The following PPP1R9A variants were observed in gnomAD, a reference collection of about 807,000 sequenced individuals.
PPP1R9A encodes the protein protein phosphatase 1 regulatory subunit 9A, also known as neurabin-1.
A neutral mutation model predicts 141.9 loss-of-function variants in PPP1R9A; 59 were observed. The observed-to-expected ratio is 0.42, with a 90% confidence interval of 0.34 to 0.52. The LOEUF is 0.52. Among genes scored for constraint, PPP1R9A ranks in the 20% least tolerant of loss-of-function variants. The pLI, the probability that PPP1R9A is intolerant of heterozygous loss-of-function variation, is 0.10. For missense variants in PPP1R9A, 1,444 were observed against 1,611.9 expected, an observed-to-expected ratio of 0.90 and a Z score of 1.78; for synonymous variants, 500 against 569.7, an observed-to-expected ratio of 0.88 and a Z score of 1.74.
chr7:94,999,087 T>C (rs961226567), intron 2 of PPP1R9A, among the ~76,000 whole-genome samples: 1 of 152,214 alleles, frequency 6.6e-6, no homozygotes, highest in African/African-American at 2.4e-5. Flanking sequence ...TCAATTGTTG[T>C]GTTTATGTCA....
chr7:95,275,429 G>A (rs1243058730), intron 16 of PPP1R9A, among the ~76,000 whole-genome samples: 2 of 151,670 alleles, frequency 1.3e-5, no homozygotes, highest in African/African-American at 2.4e-5. Flanking sequence ...AAAAGATTGG[G>A]AGAGTAGATA....
intron 2 of PPP1R9A, among the ~76,000 whole-genome samples, chr7:95,066,004 A>G (rs1317546926): frequency 6.6e-6 from 1 of 152,156 alleles, no homozygotes; most frequent in African/African-American, 2.4e-5. Context: ...CTTTATAGAA[A>G]TGTATTGTTA....
chr7:94,993,975 C>T (rs550707974), intron 2 of PPP1R9A, among the ~76,000 whole-genome samples: 1 of 152,216 alleles, frequency 6.6e-6, no homozygotes, highest in African/African-American at 2.4e-5. Flanking sequence ...ATATCTTTTC[C>T]TTGCCCATTA....
intron 17 of PPP1R9A, 85 bp from the exon 18 acceptor site, chr7:95,286,121 A>G (rs992243939): frequency 2.6e-6 from 4 of 1,541,100 alleles, no homozygotes; most frequent in African/African-American, 1.4e-5. Flanking sequence ...ATTGTTTAAA[A>G]GAGCCCTTTT....
At chr7:94,980,671 T>G (rs566712331) in intron 2 of PPP1R9A, among the ~76,000 whole-genome samples, 1 of 151,628 alleles carries the variant, frequency 6.6e-6, no homozygotes, top group East Asian at 1.9e-4. Context: ...TACTGAGTCA[T>G]AACTTGCTTT....
rs547004967 is a variant in PPP1R9A, at chr7:94,995,682, A to C, written c.1395+84174A>C. Among the ~76,000 whole-genome samples, 6 of 151,984 alleles carry C rather than the reference A, an allele frequency of 3.9e-5. No homozygotes were observed. The South Asian group carries it at 1.2e-3, about 32-fold the overall frequency. Reference sequence around the variant, plus strand: ...TTTAGTATCTCCCATACCTCTACTTAATTTTTGACTCTATGATACAGTTAT... The same window carrying C: ...TTTAGTATCTCCCATACCTCTACTTCATTTTTGACTCTATGATACAGTTAT... On this transcript the variant is annotated intron_variant, in intron 2 of 19. Coordinates refer to ENST00000433360, the MANE Select transcript of PPP1R9A (RefSeq NM_001166160.2).
At chr7:95,211,746 G>T (rs1792177375) in intron 7 of PPP1R9A, among the ~76,000 whole-genome samples, 1 of 152,154 alleles carries the variant, frequency 6.6e-6, no homozygotes, top group South Asian at 2.1e-4. Context: ...CAATACTTTG[G>T]GAGGTTGAGG....
At chr7:94,913,371 C>T (rs781696491) in intron 2 of PPP1R9A, among the ~76,000 whole-genome samples, 20 of 152,074 alleles carry the variant, frequency 1.3e-4, no homozygotes, top group Non-Finnish European at 2.8e-4. Flanking sequence ...AGTATTTTGC[C>T]TCTTAATTTT....
At chr7:95,176,461 T>TC (rs1465630605) in intron 5 of PPP1R9A, 4 of 147,848 alleles carry the variant, frequency 2.7e-5, no homozygotes, top group Admixed American at 1.4e-4. Context: ...ACACCGCCCC[T>TC]CCCCCCCAGA....
At chr7:95,247,364 C>T in intron 8 of PPP1R9A, 109 bp from the exon 9 acceptor site, 1 of 844,174 alleles carries the variant, frequency 1.2e-6, no homozygotes, top group South Asian at 1.8e-5. Context: ...CACTGCAGCA[C>T]TTTTCTAGGC....
intron 2 of PPP1R9A, among the ~76,000 whole-genome samples, chr7:94,979,829 G>A (rs1000117950): frequency 3.3e-5 from 5 of 152,164 alleles, no homozygotes; most frequent in Admixed American, 2.6e-4. Flanking sequence ...TTGGTGGTGT[G>A]CAGGCATAAC....
At chr7:95,163,929 G>A (rs932342454) in intron 5 of PPP1R9A, among the ~76,000 whole-genome samples, 21 of 152,086 alleles carry the variant, frequency 1.4e-4, no homozygotes, top group African/African-American at 2.4e-5. Context: ...GTAGAGACAG[G>A]GTTTTGCCCT....
chr7:95,070,051 G>A (rs181601252), intron 2 of PPP1R9A, among the ~76,000 whole-genome samples: 43 of 152,156 alleles, frequency 2.8e-4, no homozygotes, highest in Admixed American at 2.2e-3. Context: ...GATTCCCTTT[G>A]TGGGTGCAAC....
At chr7:94,955,123 A>T (rs903078290) in intron 2 of PPP1R9A, among the ~76,000 whole-genome samples, 1 of 151,764 alleles carries the variant, frequency 6.6e-6, no homozygotes, top group African/African-American at 2.4e-5. Flanking sequence ...TGTATCATAG[A>T]TTTTCCTCTA....
chr7:95,191,078 G>T (rs1004502260), intron 5 of PPP1R9A, among the ~76,000 whole-genome samples: 1 of 152,136 alleles, frequency 6.6e-6, no homozygotes, highest in East Asian at 1.9e-4. Context: ...GAATCTTTAT[G>T]ACTTCAATTT....
At chr7:95,213,219 G>T (rs1792508566) in intron 7 of PPP1R9A, among the ~76,000 whole-genome samples, 1 of 151,806 alleles carries the variant, frequency 6.6e-6, no homozygotes, top group South Asian at 2.1e-4. Context: ...TGTCCCTTTA[G>T]GCAGTGACAG....
chr7:95,160,432 G>T (rs991509954), intron 4 of PPP1R9A, among the ~76,000 whole-genome samples: 3 of 152,008 alleles, frequency 2.0e-5, no homozygotes, highest in African/African-American at 7.2e-5. Flanking sequence ...ATCAATTTTT[G>T]TGATAGGAAT....
intron 2 of PPP1R9A, among the ~76,000 whole-genome samples, chr7:94,983,861 C>T (rs1225974611): frequency 6.6e-6 from 1 of 152,142 alleles, no homozygotes. Flanking sequence ...GAACTTCCAA[C>T]ACTATGTTGA....
chr7:94,928,744 A>C (rs1170097822), intron 2 of PPP1R9A, among the ~76,000 whole-genome samples: 2 of 152,006 alleles, frequency 1.3e-5, no homozygotes, highest in African/African-American at 4.8e-5. Flanking sequence ...TTTTTTTGCT[A>C]TAAAAATGTA....
Sources: gnomAD v4.1 joint callset for allele counts (sites outside exome capture counted in the v4.1 genomes callset) on GRCh38, gnomAD v4.1.1 for gene constraint, MANE v1.5 for transcripts, NCBI Gene and HGNC (gene_info 2026-07-23, HGNC 2026-07-21) for gene names.